Variants in SLC25A20 observed in about 807,000 individuals in gnomAD.
SLC25A20 encodes solute carrier family 25 member 20.
SLC25A20 carries 29 observed loss-of-function variants against 39.7 expected under a neutral mutation model. That is an observed-to-expected ratio of 0.73 (90% CI 0.54 to 1.00). SLC25A20 has a LOEUF of 1.00. Among genes scored for constraint, SLC25A20 ranks in the 50% least tolerant of loss-of-function variants. SLC25A20 has a pLI of 0.00. For synonymous variants in SLC25A20, 103 were observed against 142.2 expected (o/e 0.72, Z 1.96); for missense variants, 333 against 379.9 (o/e 0.88, Z 1.03).
In SLC25A20 at chr3:48,898,862, T is replaced by A; in HGVS notation, c.-68A>T. ...CCTGGCTTCTCAGCCCCAGCTGCAG[T>A]GCCGGCGCCGCCGACCTTTCACCCA... On this transcript the variant is annotated 5_prime_UTR_variant, in exon 1 of 9. Transcript: ENST00000319017. 6.8e-7 allele frequency: 1 copy of A among 1,469,190 alleles called. No homozygotes were observed. The highest frequency in any genetic ancestry group is 1.2e-5 in the South Asian group (1 of 82,294). The allele number at this position is 1,469,190 out of a possible 1,614,324, so 91.0% of individuals were successfully genotyped here. A position where few individuals can be genotyped will look rare whatever the true frequency, so the allele number is the denominator to read the frequency against.
At position 48,857,427 on chromosome 3, in the gene SLC25A20, C is replaced by T; in HGVS notation, c.*283G>A. The T allele has an allele frequency of 2.3e-6, 1 of 443,096 alleles. No homozygotes were observed. The highest frequency in any genetic ancestry group is 4.4e-5 in the East Asian group (1 of 22,562). The allele number at this position is 443,096 out of a possible 1,614,324, so 27.4% of individuals were successfully genotyped here. A position where few individuals can be genotyped will look rare whatever the true frequency, so the allele number is the denominator to read the frequency against. ...CAGCAGTTAACTGGTAGGCAGCATT[C>T]TTGCCACAGGTAGTATCTGGTCTGG... On this transcript the variant is annotated 3_prime_UTR_variant, in exon 9 of 9. Coordinates refer to ENST00000319017, the MANE Select transcript of SLC25A20 (RefSeq NM_000387.6).
intron 4 of SLC25A20, among the ~76,000 whole-genome samples, chr3:48,871,629 T>C (rs1445100040): frequency 6.6e-6 from 1 of 151,846 alleles, no homozygotes; most frequent in Non-Finnish European, 1.5e-5. Flanking sequence ...TAGCCGGGCA[T>C]GGTGGCGCGT....
intron 4 of SLC25A20, among the ~76,000 whole-genome samples, chr3:48,869,558 C>T (rs1387493237): frequency 1.3e-5 from 2 of 152,128 alleles, no homozygotes; most frequent in African/African-American, 2.4e-5. Context: ...GGTACAGTGG[C>T]TCATGGCTAT....
In SLC25A20 at chr3:48,879,215, T is replaced by G; in HGVS notation, c.417+143A>C. On this transcript the variant is annotated intron_variant, in intron 4 of 8. Transcript: ENST00000319017. ...ATGGGCTCAGGCAATCCTCACACCTTGGTCTCCCAAAGTGCTAGGATTACA... is the reference window on the plus strand; with the variant it reads ...ATGGGCTCAGGCAATCCTCACACCTGGGTCTCCCAAAGTGCTAGGATTACA... The G allele has an allele frequency of 1.2e-5, 9 of 763,858 alleles. No individual in the cohort carries two copies. The South Asian group carries it at 1.2e-4, about 10-fold the overall frequency. 47.3% of individuals were successfully genotyped at this position (763,858 alleles called of 1,614,324 possible).
chr3:48,898,835 G>C lies in SLC25A20; in HGVS notation c.-41C>G. 1 of 1,536,592 alleles carries C rather than the reference G, an allele frequency of 6.5e-7. No individual in the cohort carries two copies. The highest frequency in any genetic ancestry group is 8.8e-7 in the Non-Finnish European group (1 of 1,133,900). ...CACTCCGTCTGTCAGTTCTCGGGCC[G>C]TCCTGGCTTCTCAGCCCCAGCTGCA... On this transcript the variant is annotated 5_prime_UTR_variant, in exon 1 of 9. Transcript: ENST00000319017.
At chr3:48,893,194 A>G (rs2083889902) in intron 1 of SLC25A20, among the ~76,000 whole-genome samples, 1 of 151,372 alleles carries the variant, frequency 6.6e-6, no homozygotes, top group African/African-American at 2.4e-5. Flanking sequence ...TGCCAGGCTA[A>G]TTTTTATTGT....
intron 1 of SLC25A20, among the ~76,000 whole-genome samples, chr3:48,898,037 C>T (rs539375878): frequency 1.6e-3 from 247 of 152,314 alleles, no homozygotes; most frequent in Non-Finnish European, 2.8e-3. Context: ...CCATAGCTTC[C>T]TCATCTGGGA....
Position 48,858,577 on chromosome 3 carries a change from C to A in SLC25A20, c.773G>T (p.Arg258Leu). The change falls in exon 8 of 9, where the codon CGG becomes CTG. Residue 258 changes from arginine to leucine, a missense_variant. Arg to Leu is a moderately radical substitution (Grantham distance 102). Coordinates refer to ENST00000319017, the MANE Select transcript of SLC25A20 (RefSeq NM_000387.6). ...GFRDVLRELI[R>L]DEGVTSLYKG... is the part of the protein sequence containing the mutation. Reference sequence around the variant, plus strand: ...GTACAAGGATGTGACTCCTTCATCCCGGATCAGCTCCCTCAGCACATCTCT... The same window carrying A: ...GTACAAGGATGTGACTCCTTCATCCAGGATCAGCTCCCTCAGCACATCTCT... The A allele has an allele frequency of 3.1e-6, 5 of 1,614,194 alleles. No homozygotes were observed. Among genetic ancestry groups the A allele is most frequent in the Non-Finnish European group, 4.2e-6 (5 of 1,180,036 alleles).
rs760652203 is a variant in SLC25A20, at chr3:48,857,778, A to G, written c.844-6T>C. 36 of 1,613,460 alleles carry G rather than the reference A, an allele frequency of 2.2e-5. No individual in the cohort carries two copies. In the East Asian group the frequency reaches 4.9e-4, roughly 22 times the overall value. On this transcript the variant is annotated splice_region_variant and splice_polypyrimidine_tract_variant and intron_variant, in intron 8 of 8. Transcript: ENST00000319017. ...TCAAAGCCAAGGAAACAGGCCTAAG[A>G]AGGGATTGGGAGGAAGAAAAAAGCC... is the stretch of plus-strand genomic sequence containing the variant.
chr3:48,893,966 G>T (rs1180079743), intron 1 of SLC25A20, among the ~76,000 whole-genome samples: 1 of 151,056 alleles, frequency 6.6e-6, no homozygotes, highest in Non-Finnish European at 1.5e-5. Flanking sequence ...TTCAAGACCA[G>T]CATGGCCAAC....
rs558179703 is a variant in SLC25A20, at chr3:48,890,986, G to A, written c.198+994C>T. On this transcript the variant is annotated intron_variant, in intron 2 of 8. Coordinates refer to ENST00000319017, the MANE Select transcript of SLC25A20 (RefSeq NM_000387.6). The stretch of plus-strand genomic sequence containing the variant: ...TGTCTTGTATTCAATAAATATCAGC[G>A]CGCCCAGCCATGCAAGGCCACTACC... 9.9e-5 allele frequency among the ~76,000 whole-genome samples: 15 copies of A among 151,740 alleles called. 1 individual carries two copies. The highest frequency in any genetic ancestry group is 3.9e-4 in the East Asian group (2 of 5,112).
chr3:48,879,428 GC>G lies in SLC25A20; in HGVS notation c.346del (p.Ala116LeufsTer13). The G allele has an allele frequency of 6.2e-7, 1 of 1,613,836 alleles. No homozygotes were observed. Among genetic ancestry groups the G allele is most frequent in the Non-Finnish European group, 8.5e-7 (1 of 1,179,774 alleles). Reference sequence around the variant, plus strand: ...GGTGAATACGCCAGATAACATCCCAGCTGCAAAAAGCTGGGGATAGCTGCAT... The same window carrying G: ...GGTGAATACGCCAGATAACATCCCAGTGCAAAAAGCTGGGGATAGCTGCAT... ...DVLSYPQLFA[A>X]GMLSGVFTTG... On this transcript the variant is annotated frameshift_variant, in exon 4 of 9. Transcript: ENST00000319017. LOFTEE classifies it high-confidence loss of function.
intron 4 of SLC25A20, among the ~76,000 whole-genome samples, chr3:48,872,462 T>G (rs563079927): frequency 2.1e-4 from 32 of 151,488 alleles, no homozygotes; most frequent in African/African-American, 7.5e-4. Context: ...GCAAACACAG[T>G]TCAGTGGAAT....
At chr3:48,877,742 A>G (rs2083769340) in intron 4 of SLC25A20, among the ~76,000 whole-genome samples, 1 of 151,932 alleles carries the variant, frequency 6.6e-6, no homozygotes, top group Non-Finnish European at 1.5e-5. Flanking sequence ...AAAAAGAAAT[A>G]AAGAAAGAAA....
chr3:48,898,427 G>A (rs1350066016), intron 1 of SLC25A20, among the ~76,000 whole-genome samples: 8 of 152,220 alleles, frequency 5.3e-5, no homozygotes, highest in Admixed American at 5.2e-4. Context: ...AGTGGCGCAG[G>A]GTCAGAAGAG....
intron 4 of SLC25A20, among the ~76,000 whole-genome samples, chr3:48,872,343 T>C (rs2083722889): frequency 6.6e-6 from 1 of 151,786 alleles, no homozygotes. Flanking sequence ...TTGGCCAGGC[T>C]GATCTCAAAT....
At chr3:48,861,538 C>A (rs1177771938) in intron 5 of SLC25A20, among the ~76,000 whole-genome samples, 1 of 152,068 alleles carries the variant, frequency 6.6e-6, no homozygotes, top group Admixed American at 6.6e-5. Flanking sequence ...ACCAGCCTGG[C>A]CAACATAGTG....
chr3:48,875,772 G>A (rs563647243), intron 4 of SLC25A20, among the ~76,000 whole-genome samples: 36 of 152,134 alleles, frequency 2.4e-4, no homozygotes, highest in Non-Finnish European at 4.9e-4. Flanking sequence ...ATCCCAGCAC[G>A]TTGGGAGGCC....
chr3:48,898,287 T>C (rs2083924244), intron 1 of SLC25A20, among the ~76,000 whole-genome samples: 1 of 152,232 alleles, frequency 6.6e-6, no homozygotes, highest in African/African-American at 2.4e-5. Context: ...AGAACAACCG[T>C]ACCGCTCTGT....
Sources: allele counts gnomAD v4.1 joint callset (sites outside exome capture counted in the v4.1 genomes callset), GRCh38; gene constraint gnomAD v4.1.1; transcripts MANE v1.5; gene names NCBI Gene and HGNC (gene_info 2026-07-23, HGNC 2026-07-21).